Variants in ZMIZ1 observed in about 807,000 individuals in gnomAD.
The protein encoded by ZMIZ1 is zinc finger MIZ-type containing 1, also known as zinc finger MIZ domain-containing protein 1.
A neutral mutation model predicts 113.9 loss-of-function variants in ZMIZ1; 17 were observed. That is an observed-to-expected ratio of 0.15 (90% confidence interval 0.10 to 0.22). The LOEUF (loss-of-function observed/expected upper bound fraction) is 0.22, where lower values mean the gene tolerates loss of function less well. Ranked by LOEUF, ZMIZ1 falls within the 10% of genes least tolerant of loss-of-function variation. ZMIZ1 has a pLI of 1.00. For missense variants in ZMIZ1, 1,059 were observed against 1,477.8 expected, an observed-to-expected ratio of 0.72 and a Z score of 4.65; for synonymous variants, 607 against 603.1, an observed-to-expected ratio of 1.01 and a Z score of -0.09.
chr10:79,253,433 TG>T (rs1340115253), intron 7 of ZMIZ1, among the ~76,000 whole-genome samples: 2 of 152,152 alleles, frequency 1.3e-5, no homozygotes, highest in African/African-American at 4.8e-5. Context: ...CCAATCCCCT[TG>T]GGGCTTACGG....
chr10:79,069,644 G>C lies in ZMIZ1; in HGVS notation c.-337+374G>C, dbSNP rs893197680. ...CGGGCAGGACCGGGAATCGGAGGAG[G>C]GAGGGAAGGACCGCCTCGGTCTCCT... On this transcript the variant is annotated intron_variant, in intron 1 of 24. Coordinates refer to ENST00000334512, the MANE Select transcript of ZMIZ1 (RefSeq NM_020338.4). The surrounding 1 kb of genome is among the most constrained non-coding windows in gnomAD (Gnocchi z 4.6). Among the ~76,000 whole-genome samples, 1 of 152,116 alleles carries C rather than the reference G, an allele frequency of 6.6e-6. No individual in the cohort carries two copies. The highest frequency in any genetic ancestry group is 1.5e-5 in the Non-Finnish European group (1 of 68,004).
Position 79,148,446 on chromosome 10 carries a change from C to T in ZMIZ1, c.-131+8669C>T, listed in dbSNP as rs142098568. 7.8e-4 allele frequency among the ~76,000 whole-genome samples: 119 copies of T among 152,310 alleles called. 1 individual carries two copies. Among genetic ancestry groups the T allele is most frequent in the Non-Finnish European group, 1.5e-3 (103 of 68,006 alleles). ...GGGGTGTAGAGAGCCAGCATCAAGG[C>T]CACACAGAGCATCATCAGACCTTGT... On this transcript the variant is annotated intron_variant, in intron 3 of 24. Transcript: ENST00000334512.
chr10:79,192,910 G>A (rs372710980), intron 4 of ZMIZ1, among the ~76,000 whole-genome samples: 11 of 152,116 alleles, frequency 7.2e-5, no homozygotes, highest in African/African-American at 2.2e-4. Flanking sequence ...GCAGCTGCCC[G>A]GAGCTGCCTC....
chr10:79,151,913 C>T (rs988253739), intron 3 of ZMIZ1, among the ~76,000 whole-genome samples: 2 of 152,168 alleles, frequency 1.3e-5, no homozygotes, highest in Non-Finnish European at 2.9e-5. Flanking sequence ...TGTCATCTGG[C>T]TGCGTGCTGT....
intron 7 of ZMIZ1, among the ~76,000 whole-genome samples, chr10:79,252,991 C>A (rs182189056): frequency 5.9e-5 from 9 of 152,296 alleles, no homozygotes; most frequent in Admixed American, 3.9e-4. Flanking sequence ...GAGCTGGGTT[C>A]TCTCTGGTCC....
chr10:79,145,312 A>G (rs950259936), intron 3 of ZMIZ1, among the ~76,000 whole-genome samples: 1 of 151,388 alleles, frequency 6.6e-6, no homozygotes, highest in Non-Finnish European at 1.5e-5. Flanking sequence ...CCTCCTCCAC[A>G]GTAGAGCCTT....
chr10:79,297,871 G>A (rs1854009848), intron 14 of ZMIZ1, among the ~76,000 whole-genome samples, 181 bp downstream of exon 14: 2 of 152,102 alleles, frequency 1.3e-5, no homozygotes, highest in Admixed American at 1.3e-4. Context: ...GCTCCAGGTG[G>A]GGTGAGCCCC....
At chr10:79,203,204 C>G (rs1589419126) in intron 5 of ZMIZ1, among the ~76,000 whole-genome samples, 1 of 152,308 alleles carries the variant, frequency 6.6e-6, no homozygotes, top group South Asian at 2.1e-4. Context: ...ACGGAGCCTC[C>G]CCAAGGTGCC....
At chr10:79,173,324 T>C (rs934757346) in intron 4 of ZMIZ1, among the ~76,000 whole-genome samples, 1 of 152,206 alleles carries the variant, frequency 6.6e-6, no homozygotes, top group African/African-American at 2.4e-5. Context: ...CATCAGCTGT[T>C]GTGAGTGTAT....
intron 7 of ZMIZ1, among the ~76,000 whole-genome samples, chr10:79,260,134 G>GCATA (rs1462580866): frequency 6.6e-6 from 1 of 152,254 alleles, no homozygotes; most frequent in African/African-American, 2.4e-5. Context: ...AAAACAGCAT[G>GCATA]CATACTCTGC....
intron 8 of ZMIZ1, 69 bp downstream of exon 8, chr10:79,277,394 A>T: frequency 6.7e-7 from 1 of 1,493,148 alleles, no homozygotes; most frequent in Admixed American, 2.6e-5. Context: ...CTCCTTGGAC[A>T]TGTCCCTGGG....
At chr10:79,263,442 C>T (rs894415731) in intron 7 of ZMIZ1, among the ~76,000 whole-genome samples, 3 of 152,156 alleles carry the variant, frequency 2.0e-5, no homozygotes, top group Non-Finnish European at 2.9e-5. Flanking sequence ...CCCAGCAAAG[C>T]GCAGCCCATC....
At chr10:79,274,433 C>T (rs1852141688) in intron 7 of ZMIZ1, among the ~76,000 whole-genome samples, 1 of 152,208 alleles carries the variant, frequency 6.6e-6, no homozygotes, top group Non-Finnish European at 1.5e-5. Flanking sequence ...TCTGTCTGTC[C>T]TTGCGTAATC....
chr10:79,281,196 G>A (rs1478483824), intron 8 of ZMIZ1, among the ~76,000 whole-genome samples: 1 of 152,150 alleles, frequency 6.6e-6, no homozygotes, highest in Non-Finnish European at 1.5e-5. Context: ...AGGTTGTTCG[G>A]TCCCGGGGTT....
intron 7 of ZMIZ1, among the ~76,000 whole-genome samples, chr10:79,224,543 G>A (rs1849125296): frequency 6.6e-6 from 1 of 152,186 alleles, no homozygotes; most frequent in Admixed American, 6.5e-5. Flanking sequence ...GAGCCAGTGG[G>A]TACCTGCTTT....
intron 1 of ZMIZ1, among the ~76,000 whole-genome samples, chr10:79,075,236 A>G (rs1265258634): frequency 6.6e-6 from 1 of 152,212 alleles, no homozygotes; most frequent in East Asian, 1.9e-4. Flanking sequence ...CAGAGTGGAC[A>G]TAGCCCTTTG....
At chr10:79,144,530 A>G (rs1284251760) in intron 3 of ZMIZ1, among the ~76,000 whole-genome samples, 3 of 151,946 alleles carry the variant, frequency 2.0e-5, no homozygotes, top group Non-Finnish European at 4.4e-5. Context: ...CCACCCCACA[A>G]GCAGGCACAG....
In ZMIZ1 at chr10:79,257,101, C is replaced by T. The variant is rs577423205; in HGVS notation, c.281-20080C>T. 2.4e-4 allele frequency among the ~76,000 whole-genome samples: 37 copies of T among 152,330 alleles called. 1 individual carries two copies. The highest frequency in any genetic ancestry group is 8.9e-4 in the African/African-American group (37 of 41,564). ...ACCTCAGACAACACCAATAATTAAGCAAGCCCGAGTGAGCACATGCTCCGT... is the reference window on the plus strand; with the variant it reads ...ACCTCAGACAACACCAATAATTAAGTAAGCCCGAGTGAGCACATGCTCCGT... On this transcript the variant is annotated intron_variant, in intron 7 of 24. Coordinates refer to ENST00000334512, the MANE Select transcript of ZMIZ1 (RefSeq NM_020338.4).
intron 8 of ZMIZ1, among the ~76,000 whole-genome samples, chr10:79,288,386 C>T (rs1853229158): frequency 6.6e-6 from 1 of 152,202 alleles, no homozygotes; most frequent in Non-Finnish European, 1.5e-5. Flanking sequence ...AGCTAGGGTA[C>T]AAGTCTGCCA....
Sources: gnomAD v4.1 joint callset for allele counts (sites outside exome capture counted in the v4.1 genomes callset) on GRCh38, gnomAD v4.1.1 for gene constraint, Gnocchi (gnomAD v3.1) non-coding constraint, MANE v1.5 for transcripts, NCBI Gene and HGNC (gene_info 2026-07-23, HGNC 2026-07-21) for gene names.